KCNH7: variants seen among roughly 807,000 people sequenced by gnomAD.
The protein encoded by KCNH7 is potassium voltage-gated channel subfamily H member 7.
In KCNH7, 49 loss-of-function variants were observed where a neutral mutation model predicts 120.8. The observed-to-expected ratio is 0.41, with a 90% CI of 0.32 to 0.51. The LOEUF is 0.51. KCNH7 is among the 20% of genes least tolerant of loss of function. The pLI is 0.38. For missense variants in KCNH7, 1,097 were observed against 1,446.6 expected, an observed-to-expected ratio of 0.76 and a Z score of 3.92; for synonymous variants, 547 against 516.1, an observed-to-expected ratio of 1.06 and a Z score of -0.81.
At chr2:162,579,433 A>T (rs1485873207) in intron 2 of KCNH7, among the ~76,000 whole-genome samples, 1 of 152,024 alleles carries the variant, frequency 6.6e-6, no homozygotes, top group Non-Finnish European at 1.5e-5. Context: ...TCACTTTTCC[A>T]AGGAGGTAAT....
At chr2:162,679,977 G>A (rs529837169) in intron 2 of KCNH7, among the ~76,000 whole-genome samples, 1 of 151,882 alleles carries the variant, frequency 6.6e-6, no homozygotes, top group African/African-American at 2.4e-5. Context: ...TAAATCTGCT[G>A]CAGAAACTAA....
intron 2 of KCNH7, among the ~76,000 whole-genome samples, chr2:162,806,744 TA>T (rs1684550837): frequency 6.6e-6 from 1 of 152,218 alleles, no homozygotes; most frequent in African/African-American, 2.4e-5. Context: ...ACTGGAAATT[TA>T]AATGGAATTT....
At chr2:162,577,402 T>TATCC (rs1453916630) in intron 2 of KCNH7, among the ~76,000 whole-genome samples, 1 of 141,712 alleles carries the variant, frequency 7.1e-6, no homozygotes, top group African/African-American at 2.7e-5. Flanking sequence ...TCTATCCATC[T>TATCC]ATCTATCTAT....
intron 2 of KCNH7, among the ~76,000 whole-genome samples, chr2:162,552,034 A>T (rs898764944): frequency 1.3e-5 from 2 of 152,176 alleles, no homozygotes; most frequent in African/African-American, 4.8e-5. Context: ...TGGAAAGAAA[A>T]TAGAAATAAA....
chr2:162,705,307 TA>T (rs1323890224), intron 2 of KCNH7, among the ~76,000 whole-genome samples: 1 of 152,066 alleles, frequency 6.6e-6, no homozygotes, highest in African/African-American at 2.4e-5. Flanking sequence ...TGAAAGCAGG[TA>T]TGGAATGGTA....
At chr2:162,524,172 G>A (rs36110498) in intron 3 of KCNH7, among the ~76,000 whole-genome samples, 30 of 152,078 alleles carry the variant, frequency 2.0e-4, no homozygotes, top group Non-Finnish European at 3.7e-4. Flanking sequence ...ATTAAGAAGA[G>A]GAAGTTAAAC....
chr2:162,716,828 C>T (rs1559097150), intron 2 of KCNH7, among the ~76,000 whole-genome samples: 1 of 152,078 alleles, frequency 6.6e-6, no homozygotes. Context: ...GTTCAATTCA[C>T]CAATATGTAA....
intron 6 of KCNH7, among the ~76,000 whole-genome samples, chr2:162,467,323 T>C (rs999725508): frequency 3.9e-5 from 6 of 152,216 alleles, no homozygotes; most frequent in African/African-American, 1.2e-4. Flanking sequence ...TGTTTAAATT[T>C]GATCCCCAAC....
intron 2 of KCNH7, among the ~76,000 whole-genome samples, chr2:162,691,650 G>A (rs762280099): frequency 1.6e-4 from 25 of 152,120 alleles, no homozygotes; most frequent in Non-Finnish European, 3.2e-4. Context: ...AGGCTAAGAG[G>A]TTATATTTTC....
intron 13 of KCNH7, among the ~76,000 whole-genome samples, chr2:162,384,468 G>A (rs1414991420): frequency 1.3e-5 from 2 of 151,898 alleles, no homozygotes; most frequent in Admixed American, 6.6e-5. Context: ...GGTTGGTCAC[G>A]AAAACCTCTC....
chr2:162,662,373 C>A (rs1399498506), intron 2 of KCNH7, among the ~76,000 whole-genome samples: 1 of 152,190 alleles, frequency 6.6e-6, no homozygotes, highest in Non-Finnish European at 1.5e-5. Flanking sequence ...ACTACTTACA[C>A]ACTATTGTGG....
intron 4 of KCNH7, among the ~76,000 whole-genome samples, chr2:162,515,228 G>A (rs1328366639): frequency 6.6e-6 from 1 of 151,608 alleles, no homozygotes; most frequent in Non-Finnish European, 1.5e-5. Flanking sequence ...CTTACTTTGG[G>A]TGAGGGGGAA....
intron 9 of KCNH7, among the ~76,000 whole-genome samples, chr2:162,406,689 T>C (rs910024987): frequency 6.6e-6 from 1 of 152,036 alleles, no homozygotes; most frequent in African/African-American, 2.4e-5. Flanking sequence ...ACAGCTTTAA[T>C]ATTTTATAGC....
Position 162,836,761 on chromosome 2 carries a change from T to G in KCNH7, c.83A>C (p.Lys28Thr). Residue 28 changes from lysine (K) to threonine (T), a missense_variant, in exon 2 of 16, where the codon AAA becomes ACA. Lys to Thr is a moderately conservative substitution (Grantham distance 78, BLOSUM62 -1). This residue lies in a region of KCNH7 where 57 missense variants were observed against 116.2 expected (regional missense o/e 0.49). Transcript: ENST00000332142. ...IIRKFEGQNKKFIIANARVQN... is the reference protein window; with the variant it reads ...IIRKFEGQNKTFIIANARVQN... The stretch of plus-strand genomic sequence containing the variant: ...CACTCTGGCATTTGCAATGATAAAT[T>G]TTTTATCTGTAATAAGAAGACAGTA... 1 of 1,609,922 alleles carries G rather than the reference T, an allele frequency of 6.2e-7. No homozygotes were observed. Among genetic ancestry groups the G allele is most frequent in the Non-Finnish European group, 8.5e-7 (1 of 1,176,264 alleles).
chr2:162,629,129 G>A (rs890215463), intron 2 of KCNH7, among the ~76,000 whole-genome samples: 2 of 152,104 alleles, frequency 1.3e-5, no homozygotes, highest in African/African-American at 2.4e-5. Context: ...ACAGGCCAAC[G>A]CTGACTTTCT....
At chr2:162,402,207 C>T (rs1687085893) in intron 9 of KCNH7, among the ~76,000 whole-genome samples, 1 of 151,026 alleles carries the variant, frequency 6.6e-6, no homozygotes, top group Non-Finnish European at 1.5e-5. Flanking sequence ...CCTCCAGGTC[C>T]TGGAGGCCCT....
At chr2:162,708,573 C>T (rs1686801891) in intron 2 of KCNH7, among the ~76,000 whole-genome samples, 1 of 151,974 alleles carries the variant, frequency 6.6e-6, no homozygotes, top group African/African-American at 2.4e-5. Context: ...GGAAGCTCAT[C>T]TTCTCTAAGG....
intron 6 of KCNH7, chr2:162,497,150 T>TTTAGG (rs1690523046): frequency 1.3e-5 from 2 of 152,310 alleles, no homozygotes; most frequent in Admixed American, 6.5e-5. Context: ...AAAGAAGTAC[T>TTTAGG]AAATCATAAA....
intron 6 of KCNH7, among the ~76,000 whole-genome samples, chr2:162,462,781 C>T (rs1270296417): frequency 1.3e-5 from 2 of 152,056 alleles, no homozygotes; most frequent in East Asian, 3.9e-4. Context: ...TTTTTAATAG[C>T]TTGACTAGGT....
Sources: gnomAD v4.1 joint callset for allele counts (sites outside exome capture counted in the v4.1 genomes callset) on GRCh38, gnomAD v4.1.1 for gene constraint, gnomAD v4.1.1 regional missense constraint, MANE v1.5 for transcripts, NCBI Gene and HGNC (gene_info 2026-07-23, HGNC 2026-07-21) for gene names.